Variants in KCTD8 observed in about 807,000 individuals in gnomAD.
KCTD8 encodes potassium channel tetramerization domain containing 8.
Under a neutral mutation model 31.5 loss-of-function variants are expected in KCTD8, and 27 were observed. The observed-to-expected ratio is 0.86, with a 90% CI of 0.63 to 1.18. The LOEUF (loss-of-function observed/expected upper bound fraction) is 1.18. KCTD8 is among the 50% of genes most tolerant of loss of function. KCTD8 has a pLI of 0.00. For missense variants in KCTD8, 658 were observed against 647.7 expected, an observed-to-expected ratio of 1.02 and a Z score of -0.17; for synonymous variants, 290 against 280.0, an observed-to-expected ratio of 1.04 and a Z score of -0.36.
intron 1 of KCTD8, among the ~76,000 whole-genome samples, chr4:44,412,107 T>C (rs543151877): frequency 1.6e-4 from 24 of 152,170 alleles, no homozygotes; most frequent in African/African-American, 4.8e-4. Flanking sequence ...GCAGGGTAAA[T>C]AATTTGGAAA....
intron 1 of KCTD8, among the ~76,000 whole-genome samples, chr4:44,315,630 T>C (rs911468964): frequency 3.3e-5 from 5 of 152,152 alleles, no homozygotes; most frequent in African/African-American, 1.2e-4. Flanking sequence ...AAAATGATTG[T>C]TTTCACAGAG....
At chr4:44,265,092 A>G (rs1279932710) in intron 1 of KCTD8, among the ~76,000 whole-genome samples, 2 of 152,180 alleles carry the variant, frequency 1.3e-5, no homozygotes, top group Non-Finnish European at 2.9e-5. Flanking sequence ...TGCCTCCTCA[A>G]GTGGGTCCCT....
At chr4:44,201,899 G>C (rs1303927857) in intron 1 of KCTD8, among the ~76,000 whole-genome samples, 1 of 152,056 alleles carries the variant, frequency 6.6e-6, no homozygotes, top group Non-Finnish European at 1.5e-5. Flanking sequence ...GCATCTGACA[G>C]AAGTCTAAAG....
intron 1 of KCTD8, among the ~76,000 whole-genome samples, chr4:44,193,046 ACATCTATAC>A (rs1713812368): frequency 6.6e-6 from 1 of 152,184 alleles, no homozygotes; most frequent in African/African-American, 2.4e-5. Flanking sequence ...CTTTATATAT[ACATCTATAC>A]AATTAGTTCT....
intron 1 of KCTD8, among the ~76,000 whole-genome samples, chr4:44,411,096 C>T (rs1720942934): frequency 6.6e-6 from 1 of 152,082 alleles, no homozygotes; most frequent in Non-Finnish European, 1.5e-5. Context: ...CTCCATATGT[C>T]TCACAATTAT....
At chr4:44,335,745 CAATAT>C (rs1560429278) in intron 1 of KCTD8, among the ~76,000 whole-genome samples, 1 of 151,988 alleles carries the variant, frequency 6.6e-6, no homozygotes, top group Non-Finnish European at 1.5e-5. Context: ...GTTATATTTA[CAATAT>C]AGATACAGAT....
In KCTD8 at chr4:44,436,387, T is replaced by A. The variant is rs564526676; in HGVS notation, c.961+11176A>T. 1.3e-4 allele frequency among the ~76,000 whole-genome samples: 20 copies of A among 152,024 alleles called. No individual in the cohort carries two copies. The South Asian group carries it at 4.0e-3, about 30-fold the overall frequency. On this transcript the variant is annotated intron_variant, in intron 1 of 1. Transcript: ENST00000360029. ...CATTACATGTAAAGAGAAACAGAGA[T>A]GGATGGAGTGAGAGTCAAAGAAGAG...
intron 1 of KCTD8, among the ~76,000 whole-genome samples, chr4:44,418,476 G>C (rs1721132277): frequency 1.3e-5 from 2 of 152,174 alleles, no homozygotes; most frequent in African/African-American, 4.8e-5. Context: ...ATAGTCTTTT[G>C]TTTTGTATGC....
rs983989492 is a variant in KCTD8, at chr4:44,267,226, C to A, written c.962-91976G>T. Among the ~76,000 whole-genome samples the A allele has an allele frequency of 3.7e-3, 557 of 152,216 alleles. 12 individuals are homozygous for A. The highest frequency in any genetic ancestry group is 2.6e-3 in the Non-Finnish European group (177 of 68,010). On this transcript the variant is annotated intron_variant, in intron 1 of 1. Coordinates refer to ENST00000360029, the MANE Select transcript of KCTD8 (RefSeq NM_198353.3). ...ACCACAGTGCAATCAAACTAGAACT[C>A]AGGATTAAGAAACTCACTCAAAACC...
At chr4:44,349,279 C>A (rs998852278) in intron 1 of KCTD8, among the ~76,000 whole-genome samples, 6 of 152,096 alleles carry the variant, frequency 3.9e-5, no homozygotes, top group African/African-American at 1.2e-4. Context: ...GTTGGGAAAG[C>A]CTTCAGAATA....
chr4:44,259,894 T>G (rs988447177), intron 1 of KCTD8, among the ~76,000 whole-genome samples: 1 of 151,932 alleles, frequency 6.6e-6, no homozygotes, highest in Admixed American at 6.6e-5. Context: ...TCCTTAAATA[T>G]GTACTCCAAT....
chr4:44,277,763 T>C (rs1716793891), intron 1 of KCTD8, among the ~76,000 whole-genome samples: 1 of 151,906 alleles, frequency 6.6e-6, no homozygotes, highest in East Asian at 1.9e-4. Context: ...TATGTAGAAA[T>C]AGTAAGAACC....
At chr4:44,199,197 A>G (rs1471009599) in intron 1 of KCTD8, among the ~76,000 whole-genome samples, 1 of 152,164 alleles carries the variant, frequency 6.6e-6, no homozygotes, top group Non-Finnish European at 1.5e-5. Flanking sequence ...ACACAATAAT[A>G]GTAAGGTACT....
chr4:44,226,895 T>C (rs998286882), intron 1 of KCTD8, among the ~76,000 whole-genome samples: 12 of 152,136 alleles, frequency 7.9e-5, no homozygotes, highest in African/African-American at 1.2e-4. Context: ...TTGTTTTTTT[T>C]TTCTTGTAAA....
At chr4:44,350,526 C>T (rs1278176007) in intron 1 of KCTD8, among the ~76,000 whole-genome samples, 1 of 152,140 alleles carries the variant, frequency 6.6e-6, no homozygotes, top group Non-Finnish European at 1.5e-5. Flanking sequence ...TCTAGCACAA[C>T]ACTTGAAATA....
intron 1 of KCTD8, among the ~76,000 whole-genome samples, chr4:44,399,312 G>T (rs1428859610): frequency 6.6e-6 from 1 of 152,172 alleles, no homozygotes; most frequent in Non-Finnish European, 1.5e-5. Flanking sequence ...CTAGGTTTTG[G>T]AAGTGAAGGG....
chr4:44,208,227 G>A (rs1714374997), intron 1 of KCTD8, among the ~76,000 whole-genome samples: 1 of 152,156 alleles, frequency 6.6e-6, no homozygotes, highest in South Asian at 2.1e-4. Context: ...ATTGCAATGT[G>A]TTTAACGAAA....
chr4:44,248,983 T>C (rs1715748699), intron 1 of KCTD8, among the ~76,000 whole-genome samples: 1 of 151,854 alleles, frequency 6.6e-6, no homozygotes, highest in African/African-American at 2.4e-5. Flanking sequence ...TCTCTCATTT[T>C]CTGGTCTCAG....
In KCTD8 at chr4:44,380,014, G is replaced by A. The variant is rs1301119074; in HGVS notation, c.961+67549C>T. 2.0e-5 allele frequency among the ~76,000 whole-genome samples: 3 copies of A among 151,836 alleles called. No individual in the cohort carries two copies. In the South Asian group the frequency reaches 6.2e-4, roughly 31 times the overall value. ...ACTGAATTTAGCATTGTCTTATAAA[G>A]ACACACATTATCTAGCTTATACAGA... On this transcript the variant is annotated intron_variant, in intron 1 of 1. Transcript: ENST00000360029.
Sources: gnomAD v4.1 joint callset for allele counts (sites outside exome capture counted in the v4.1 genomes callset) on GRCh38, gnomAD v4.1.1 for gene constraint, MANE v1.5 for transcripts, NCBI Gene and HGNC (gene_info 2026-07-23, HGNC 2026-07-21) for gene names.